The following ZMAT4 variants were observed in gnomAD, a reference collection of about 807,000 sequenced individuals.
ZMAT4 encodes zinc finger matrin-type protein 4.
Under a neutral mutation model 28.7 loss-of-function variants are expected in ZMAT4, and 17 were observed. The ratio of observed to expected loss-of-function variants is 0.59; its 90% CI spans 0.41 to 0.89. The LOEUF (loss-of-function observed/expected upper bound fraction) is 0.89. Among genes scored for constraint, ZMAT4 ranks in the 40% least tolerant of loss-of-function variants. The pLI is 0.00. For synonymous variants in ZMAT4, 117 were observed against 109.2 expected, an observed-to-expected ratio of 1.07 and a Z score of -0.44; for missense variants, 240 against 283.8, an observed-to-expected ratio of 0.85 and a Z score of 1.11.
chr8:40,549,930 C>G (rs1373123629), intron 6 of ZMAT4, among the ~76,000 whole-genome samples: 2 of 152,092 alleles, frequency 1.3e-5, no homozygotes, highest in African/African-American at 4.8e-5. Context: ...TTTCTCCAAC[C>G]AAAGGGCACC....
rs189190072 is a variant in ZMAT4 at position 40,835,086 on chromosome 8, G to A, written c.-4-9406C>T. On this transcript the variant is annotated intron_variant, in intron 1 of 6. Transcript: ENST00000297737. ...TCCAGCACCTTCTCCAGTCACAGCG[G>A]GCCCAAAGCATCTGCTTTCTCTTTC... is the stretch of plus-strand genomic sequence containing the variant. Among the ~76,000 whole-genome samples the A allele has an allele frequency of 3.3e-3, 503 of 152,214 alleles. 3 individuals carry two copies. The highest frequency in any genetic ancestry group is 4.5e-3 in the Non-Finnish European group (308 of 68,008).
intron 6 of ZMAT4, among the ~76,000 whole-genome samples, chr8:40,570,912 A>C (rs1804076470): frequency 6.6e-6 from 1 of 152,132 alleles, no homozygotes; most frequent in African/African-American, 2.4e-5. Context: ...TCTCAGAACC[A>C]CATCGGGTAA....
chr8:40,890,538 C>T (rs1473931122), intron 1 of ZMAT4, among the ~76,000 whole-genome samples: 1 of 152,176 alleles, frequency 6.6e-6, no homozygotes, highest in East Asian at 1.9e-4. Context: ...CATTTCTCAC[C>T]TGGACAGCAG....
At chr8:40,873,191 C>T (rs1817923996) in intron 1 of ZMAT4, among the ~76,000 whole-genome samples, 1 of 152,198 alleles carries the variant, frequency 6.6e-6, no homozygotes, top group South Asian at 2.1e-4. Context: ...CAACCCAAGT[C>T]CCAAATCAGC....
chr8:40,864,876 A>G (rs1817622541), intron 1 of ZMAT4, among the ~76,000 whole-genome samples: 1 of 152,252 alleles, frequency 6.6e-6, no homozygotes. Flanking sequence ...TGGATATAAA[A>G]TTCCAATATT....
chr8:40,591,443 G>A (rs752428219), intron 5 of ZMAT4, among the ~76,000 whole-genome samples: 2 of 152,170 alleles, frequency 1.3e-5, no homozygotes, highest in Non-Finnish European at 2.9e-5. Flanking sequence ...AATCTATCCT[G>A]CAGGTCGGTC....
intron 2 of ZMAT4, among the ~76,000 whole-genome samples, chr8:40,773,391 C>G (rs1813463297): frequency 6.6e-6 from 1 of 152,108 alleles, no homozygotes; most frequent in Non-Finnish European, 1.5e-5. Flanking sequence ...AAAATCAAAT[C>G]AGAAGATTCT....
At chr8:40,883,419 AC>A (rs1818347236) in intron 1 of ZMAT4, among the ~76,000 whole-genome samples, 1 of 152,024 alleles carries the variant, frequency 6.6e-6, no homozygotes, top group South Asian at 2.1e-4. Flanking sequence ...GGAATGTCGA[AC>A]CCCTCTCCAG....
chr8:40,774,594 A>G (rs1435895781), intron 2 of ZMAT4, among the ~76,000 whole-genome samples: 4 of 151,938 alleles, frequency 2.6e-5, no homozygotes, highest in African/African-American at 9.7e-5. Context: ...AAATGCCCTA[A>G]AACAAGAGGG....
intron 5 of ZMAT4, among the ~76,000 whole-genome samples, chr8:40,662,311 G>GT (rs897198192): frequency 6.6e-6 from 1 of 152,122 alleles, no homozygotes; most frequent in African/African-American, 2.4e-5. Flanking sequence ...GAGTAGGGGT[G>GT]TTTTGTTGTT....
At chr8:40,829,428 C>A (rs13273137) in intron 1 of ZMAT4, among the ~76,000 whole-genome samples, 1 of 152,102 alleles carries the variant, frequency 6.6e-6, no homozygotes, top group African/African-American at 2.4e-5. Context: ...CACATTTTCA[C>A]GTGCTGTCCG....
intron 1 of ZMAT4, among the ~76,000 whole-genome samples, chr8:40,828,749 G>A (rs777815647): frequency 1.1e-4 from 16 of 152,172 alleles, no homozygotes; most frequent in Non-Finnish European, 2.4e-4. Context: ...GTGTCAGCCT[G>A]TTTTGTACAT....
chr8:40,712,366 G>A (rs996742787), intron 3 of ZMAT4, among the ~76,000 whole-genome samples: 2 of 152,182 alleles, frequency 1.3e-5, no homozygotes, highest in Non-Finnish European at 2.9e-5. Context: ...CTGAAACAAA[G>A]ATAAGACATG....
chr8:40,791,559 G>A (rs768701013), intron 2 of ZMAT4, among the ~76,000 whole-genome samples: 13 of 152,194 alleles, frequency 8.5e-5, no homozygotes, highest in Non-Finnish European at 1.8e-4. Context: ...TCATGGCTGA[G>A]TTGGGCCATC....
chr8:40,531,900 T>C lies in ZMAT4; in HGVS notation c.*323A>G, dbSNP rs1802704735. The C allele has an allele frequency of 4.4e-6, 1 of 228,534 alleles. No individual in the cohort carries two copies. Among genetic ancestry groups the C allele is most frequent in the East Asian group, 8.4e-5 (1 of 11,854 alleles). The allele number at this position is 228,534 out of a possible 1,614,324, so 14.2% of individuals were successfully genotyped here. A position where few individuals can be genotyped will look rare whatever the true frequency, so the allele number is the denominator to read the frequency against. On this transcript the variant is annotated 3_prime_UTR_variant, in exon 7 of 7. Coordinates refer to ENST00000297737, the MANE Select transcript of ZMAT4 (RefSeq NM_024645.3). ...AGGAAATCTAGAATAAATTGGAAATTTAAATTTTTCCACTTTCAGTTTGAA... is the reference window on the plus strand; with the variant it reads ...AGGAAATCTAGAATAAATTGGAAATCTAAATTTTTCCACTTTCAGTTTGAA...
chr8:40,792,473 C>CAGGAAGGA (rs372079235), intron 2 of ZMAT4, among the ~76,000 whole-genome samples: 100 of 14,456 alleles, frequency 6.9e-3, no homozygotes, highest in South Asian at 0.023. Context: ...GAATAGTATT[C>CAGGAAGGA]AGGAAGGAAG....
intron 5 of ZMAT4, among the ~76,000 whole-genome samples, chr8:40,627,302 G>C (rs1585779158): frequency 6.7e-6 from 1 of 150,238 alleles, no homozygotes; most frequent in Admixed American, 6.6e-5. Context: ...GAACATTTTA[G>C]AACCAAATAT....
At chr8:40,691,216 A>T (rs1809648291) in intron 4 of ZMAT4, among the ~76,000 whole-genome samples, 1 of 152,252 alleles carries the variant, frequency 6.6e-6, no homozygotes, top group African/African-American at 2.4e-5. Flanking sequence ...TTAACTTTAA[A>T]CTCACCACCA....
chr8:40,830,428 A>G (rs1452782687), intron 1 of ZMAT4, among the ~76,000 whole-genome samples: 3 of 152,134 alleles, frequency 2.0e-5, no homozygotes, highest in Non-Finnish European at 4.4e-5. Flanking sequence ...GAGAGCATGC[A>G]ATATTTGATT....
Sources: allele counts gnomAD v4.1 joint callset (sites outside exome capture counted in the v4.1 genomes callset), GRCh38; gene constraint gnomAD v4.1.1; transcripts MANE v1.5; gene names NCBI Gene and HGNC (gene_info 2026-07-23, HGNC 2026-07-21).